TAF15: variants seen among roughly 807,000 people sequenced by gnomAD.
The protein encoded by TAF15 is TATA-box binding protein associated factor 15, also known as TATA-binding protein-associated factor 2N.
A neutral mutation model predicts 102.5 loss-of-function variants in TAF15; 37 were observed. The observed-to-expected ratio is 0.36, with a 90% confidence interval of 0.28 to 0.47. The LOEUF is 0.47. Among genes scored for constraint, TAF15 ranks in the 20% least tolerant of loss-of-function variants. The pLI, the probability that TAF15 is intolerant of heterozygous loss-of-function variation, is 0.99. For missense variants in TAF15, 652 were observed against 760.7 expected (o/e 0.86, Z 1.68); for synonymous variants, 273 against 259.2 (o/e 1.05, Z -0.51).
intron 1 of TAF15, among the ~76,000 whole-genome samples, chr17:35,815,153 A>C (rs563596242): frequency 2.6e-5 from 4 of 152,206 alleles, no homozygotes; most frequent in Non-Finnish European, 4.4e-5. Flanking sequence ...AATCTGAGCA[A>C]ATACCAAGAA....
At position 35,840,062 on chromosome 17, in the gene TAF15, C is replaced by G. The variant is rs560244878; in HGVS notation, c.913+1509C>G. ...CGTTTTACAGAGAGTGAAACTGATG[C>G]ATAGAGAAACTAAGTAATTTCCAGG... On this transcript the variant is annotated intron_variant, in intron 11 of 15. Transcript: ENST00000605844. Among the ~76,000 whole-genome samples, 3 of 152,130 alleles carry G rather than the reference C, an allele frequency of 2.0e-5. No individual in the cohort carries two copies. The East Asian group carries it at 5.8e-4, about 29-fold the overall frequency.
intron 7 of TAF15, among the ~76,000 whole-genome samples, chr17:35,827,347 A>AG (rs2087343134): frequency 6.6e-6 from 1 of 151,940 alleles, no homozygotes; most frequent in Non-Finnish European, 1.5e-5. Context: ...AAAAAAAAAA[A>AG]AAAAATAGTT....
At position 35,832,919 on chromosome 17, in the gene TAF15, G is replaced by A. The variant is rs569228237; in HGVS notation, c.606-988G>A. Among the ~76,000 whole-genome samples the A allele has an allele frequency of 6.6e-5, 10 of 152,252 alleles. No individual in the cohort carries two copies. In the East Asian group the frequency reaches 1.9e-3, roughly 29 times the overall value. On this transcript the variant is annotated intron_variant, in intron 7 of 15. Coordinates refer to ENST00000605844, the MANE Select transcript of TAF15 (RefSeq NM_139215.3). ...TGCCTGTAATCCTGGCATTTTGGGA[G>A]GCTGAGGTGGGCGGATTATTTGAGG... is the stretch of plus-strand genomic sequence containing the variant.
At chr17:35,823,706 CAAAAAAAAAA>C (rs57004932) in intron 6 of TAF15, 3 of 161,438 alleles carry the variant, frequency 1.9e-5, no homozygotes, top group South Asian at 1.1e-4. Flanking sequence ...CTCTTGTCTC[CAAAAAAAAAA>C]AAAAAAAAAA....
chr17:35,814,912 A>C (rs2087177668), intron 1 of TAF15, among the ~76,000 whole-genome samples: 2 of 152,048 alleles, frequency 1.3e-5, no homozygotes, highest in African/African-American at 4.8e-5. Flanking sequence ...AATGACAATT[A>C]CAAGAACTTG....
In TAF15 at chr17:35,834,744, T is replaced by C. The variant is rs914408395; in HGVS notation, c.673+146T>C. 24 of 548,514 alleles carry C rather than the reference T, an allele frequency of 4.4e-5. 1 individual carries two copies. The highest frequency in any genetic ancestry group is 1.1e-4 in the South Asian group (4 of 37,908). The allele number at this position is 548,514 out of a possible 1,614,324, so 34.0% of individuals were successfully genotyped here. On this transcript the variant is annotated intron_variant, in intron 9 of 15. Transcript: ENST00000605844. ...CAGAACTGGGGAGCTTTATTTCTTT[T>C]TTTTTTTTTTTTTTTTTTGAGATGG...
intron 6 of TAF15, 25 bp from the exon 7 acceptor site, chr17:35,824,053 G>A: frequency 1.2e-6 from 2 of 1,613,996 alleles, no homozygotes; most frequent in Middle Eastern, 1.7e-4. Context: ...GTGGTTATTT[G>A]TGTGTAATAT....
intron 7 of TAF15, chr17:35,833,704 A>G (rs886243242): frequency 6.8e-6 from 4 of 585,178 alleles, no homozygotes; most frequent in African/African-American, 3.7e-5. Flanking sequence ...GCTTGAAAAG[A>G]CATCTTGTGG....
At position 35,846,704 on chromosome 17, in the gene TAF15, T is replaced by G. The variant is rs4251794; in HGVS notation, c.1740-202T>G. ...ATTTTTAAGAGAGTGAAGCAAAGCTTCTTCTAGGAACTTTGTGAATCTTAA... is the reference window on the plus strand; with the variant it reads ...ATTTTTAAGAGAGTGAAGCAAAGCTGCTTCTAGGAACTTTGTGAATCTTAA... On this transcript the variant is annotated intron_variant, in intron 15 of 15. Transcript: ENST00000605844. Among the ~76,000 whole-genome samples the G allele has an allele frequency of 8.8e-3, 1,338 of 152,334 alleles. 51 individuals are homozygous for G. Among genetic ancestry groups the G allele is most frequent in the Admixed American group, 0.057 (866 of 15,286 alleles).
At chr17:35,824,688 C>G (rs1048679210) in intron 7 of TAF15, among the ~76,000 whole-genome samples, 2 of 152,160 alleles carry the variant, frequency 1.3e-5, no homozygotes, top group Non-Finnish European at 2.9e-5. Flanking sequence ...TGTAACAAAA[C>G]TGTTTTGTCC....
At chr17:35,827,277 AGT>A (rs2087341898) in intron 7 of TAF15, among the ~76,000 whole-genome samples, 1 of 150,934 alleles carries the variant, frequency 6.6e-6, no homozygotes, top group Non-Finnish European at 1.5e-5. Flanking sequence ...CGGAGCTTGC[AGT>A]GAGCTGAGAT....
At chr17:35,814,884 G>A (rs1458606310) in intron 1 of TAF15, among the ~76,000 whole-genome samples, 2 of 149,674 alleles carry the variant, frequency 1.3e-5, no homozygotes, top group Non-Finnish European at 2.9e-5. Flanking sequence ...ATATATATAT[G>A]TATATATATA....
At chr17:35,828,933 A>G (rs968637771) in intron 7 of TAF15, among the ~76,000 whole-genome samples, 1 of 152,210 alleles carries the variant, frequency 6.6e-6, no homozygotes, top group African/African-American at 2.4e-5. Flanking sequence ...TGTATTGGAC[A>G]GTGCAGCTCT....
chr17:35,829,275 C>A (rs973501028), intron 7 of TAF15, among the ~76,000 whole-genome samples: 2 of 151,644 alleles, frequency 1.3e-5, no homozygotes, highest in Non-Finnish European at 2.9e-5. Context: ...TACTTCTTGG[C>A]AGTTTTAGTC....
intron 15 of TAF15, among the ~76,000 whole-genome samples, chr17:35,845,325 G>C (rs1331114194): frequency 6.6e-6 from 1 of 152,118 alleles, no homozygotes. Context: ...TATGATCATA[G>C]TTCATTGTAA....
At position 35,844,302 on chromosome 17, in the gene TAF15, G is replaced by C. The variant is rs1240050231; in HGVS notation, c.1111G>C (p.Ala371Pro). The change falls in exon 14 of 16, where the codon GCT becomes CCT. Residue 371 changes from alanine to proline, a missense_variant. Around this residue, in one of 3 missense-constraint regions of TAF15, gnomAD observed 368 missense variants for 367.5 expected, o/e 1.00. Coordinates refer to ENST00000605844, the MANE Select transcript of TAF15 (RefSeq NM_139215.3). Reference sequence around the variant, plus strand: ...TAGGTCATGCGGAAATATGAACTTTGCTCGAAGGAATTCCTGCAATCAGTG... The same window carrying C: ...TAGGTCATGCGGAAATATGAACTTTCCTCGAAGGAATTCCTGCAATCAGTG... ...PNPSCGNMNFARRNSCNQCNE... is the reference protein window; with the variant it reads ...PNPSCGNMNFPRRNSCNQCNE... The C allele has an allele frequency of 1.2e-6, 2 of 1,614,102 alleles. No homozygotes were observed. Among genetic ancestry groups the C allele is most frequent in the Non-Finnish European group, 1.7e-6 (2 of 1,180,050 alleles).
chr17:35,821,175 A>G (rs1188199294), intron 5 of TAF15, among the ~76,000 whole-genome samples: 1 of 152,184 alleles, frequency 6.6e-6, no homozygotes, highest in Non-Finnish European at 1.5e-5. Context: ...CAGTGAAGAC[A>G]TTTATTCTAA....
intron 7 of TAF15, among the ~76,000 whole-genome samples, chr17:35,828,639 G>T (rs1372676548): frequency 6.6e-6 from 1 of 152,104 alleles, no homozygotes; most frequent in South Asian, 2.1e-4. Context: ...GCTGAGGTAG[G>T]AGGATTGCTT....
intron 1 of TAF15, among the ~76,000 whole-genome samples, chr17:35,814,224 G>T (rs1438356091): frequency 6.6e-6 from 1 of 151,644 alleles, no homozygotes; most frequent in African/African-American, 2.4e-5. Context: ...GGAGTGCAGT[G>T]GCGCAATCTC....
Sources: allele counts gnomAD v4.1 joint callset (sites outside exome capture counted in the v4.1 genomes callset), GRCh38; gene constraint gnomAD v4.1.1; regional missense constraint gnomAD v4.1.1; transcripts MANE v1.5; gene names NCBI Gene and HGNC (gene_info 2026-07-23, HGNC 2026-07-21).